CLEC12A: variants seen among roughly 807,000 people sequenced by gnomAD.
CLEC12A encodes C-type lectin protein CLL-1.
CLEC12A carries 22 observed loss-of-function variants against 26.5 expected under a neutral mutation model. That is an observed-to-expected ratio of 0.83 (90% CI 0.59 to 1.19). CLEC12A has a LOEUF of 1.19. Among genes scored for constraint, CLEC12A ranks in the 50% most tolerant of loss-of-function variants. The probability of loss-of-function intolerance (pLI) is 0.00; values close to 1 mark genes in which losing one functional copy is unlikely to be tolerated. For synonymous variants in CLEC12A, 119 were observed against 101.9 expected (o/e 1.17, Z -1.01); for missense variants, 353 against 315.6 (o/e 1.12, Z -0.90).
intron 1 of CLEC12A, among the ~76,000 whole-genome samples, chr12:9,957,449 C>T (rs28781615): frequency 1.1e-5 from 1 of 90,956 alleles, no homozygotes; most frequent in African/African-American, 3.9e-5. Flanking sequence ...AATCGTGCCA[C>T]TGCATTCCAG....
rs748463949 is a variant in CLEC12A, at chr12:9,984,938, A to G, written c.710A>G (p.Tyr237Cys). Reference sequence around the variant, plus strand: ...TATATAAATAGACTATATGTTCAATATTATCACTGCACTTATAAAAAAAGA... The same window carrying G: ...TATATAAATAGACTATATGTTCAATGTTATCACTGCACTTATAAAAAAAGA... ...CGYINRLYVQYYHCTYKKRMI... is the reference protein window; with the variant it reads ...CGYINRLYVQCYHCTYKKRMI... Residue 237 changes from tyrosine to cysteine, a missense_variant, in exon 6 of 6, where the codon TAT (tyrosine) becomes TGT (cysteine). Physicochemically the swap from Tyr to Cys is radical, Grantham distance 194. Transcript: ENST00000304361. The G allele has an allele frequency of 2.5e-6, 4 of 1,580,894 alleles. No homozygotes were observed. The African/African-American group carries it at 4.1e-5, about 16-fold the overall frequency.
At position 9,984,511 on chromosome 12, in the gene CLEC12A, G is replaced by T. The variant is rs372644156; in HGVS notation, c.642-359G>T. Among the ~76,000 whole-genome samples the T allele has an allele frequency of 8.6e-5, 13 of 152,030 alleles. No individual in the cohort carries two copies. In the South Asian group the frequency reaches 1.5e-3, roughly 17 times the overall value. ...TATAAAAAGCACTTGAGGGAGAAAG[G>T]GTCCAAGTCTTACTACTCCTAGCCA... On this transcript the variant is annotated intron_variant, in intron 5 of 5. Transcript: ENST00000304361.
chr12:9,983,865 T>C (rs1268974208), intron 5 of CLEC12A: 1 of 253,584 alleles, frequency 3.9e-6, no homozygotes, highest in African/African-American at 2.3e-5. Context: ...TATCTACAAA[T>C]GGAGTGGAGA....
intron 1 of CLEC12A, among the ~76,000 whole-genome samples, chr12:9,977,320 T>C (rs1415816674): frequency 6.6e-6 from 1 of 152,196 alleles, no homozygotes; most frequent in Non-Finnish European, 1.5e-5. Flanking sequence ...AACAACTCTG[T>C]TATTTTGCCC....
Position 9,952,376 on chromosome 12 carries a change from T to C in CLEC12A, c.10+1020T>C, listed in dbSNP as rs987909598. Among the ~76,000 whole-genome samples, 15 of 150,874 alleles carry C rather than the reference T, an allele frequency of 9.9e-5. No individual in the cohort carries two copies. In the East Asian group the frequency reaches 1.4e-3, roughly 14 times the overall value. Reference sequence around the variant, plus strand: ...GGTTTTGGTGGAGACGGGGTTTCGCTGTGTTGGCCGGGCCGGTCTCCAGCC... The same window carrying C: ...GGTTTTGGTGGAGACGGGGTTTCGCCGTGTTGGCCGGGCCGGTCTCCAGCC... On this transcript the variant is annotated intron_variant, in intron 1 of 6. Coordinates refer to the CLEC12A transcript ENST00000355690.
chr12:9,962,244 C>T (rs891170766), intron 1 of CLEC12A, among the ~76,000 whole-genome samples: 4 of 146,574 alleles, frequency 2.7e-5, no homozygotes, highest in African/African-American at 7.5e-5. Flanking sequence ...AATGTATAAC[C>T]GGTTTTTTCT....
downstream of CLEC12A, chr12:9,998,257 A>G (rs377059508): frequency 1.3e-6 from 2 of 1,589,434 alleles, no homozygotes; most frequent in Non-Finnish European, 1.7e-6. Context: ...CCTCCAGTCA[A>G]ATTTCTGGCA....
intron 1 of CLEC12A, among the ~76,000 whole-genome samples, chr12:9,972,140 G>T (rs1355852572): frequency 6.6e-6 from 1 of 151,430 alleles, no homozygotes; most frequent in Non-Finnish European, 1.5e-5. Context: ...ACCAAACTAA[G>T]CATAAATCAC....
At chr12:9,959,452 CAAAAA>C (rs57106602) in intron 1 of CLEC12A, among the ~76,000 whole-genome samples, 6 of 140,760 alleles carry the variant, frequency 4.3e-5, no homozygotes, top group African/African-American at 1.6e-4. Flanking sequence ...AACTCTGTCT[CAAAAA>C]AAAAAAAAAA....
chr12:9,953,626 G>A (rs1218831579), intron 1 of CLEC12A, among the ~76,000 whole-genome samples: 2 of 151,890 alleles, frequency 1.3e-5, no homozygotes, highest in South Asian at 4.1e-4. Context: ...CCCCGTCCGG[G>A]AGGTGAGGGG....
intron 1 of CLEC12A, among the ~76,000 whole-genome samples, chr12:9,954,205 T>TTAAA (rs1324657571): frequency 1.6e-5 from 1 of 64,416 alleles, no homozygotes; most frequent in Non-Finnish European, 3.0e-5. Context: ...GAATTATCAA[T>TTAAA]AAAAAAAAAA....
chr12:9,955,575 G>A (rs1410187279), intron 1 of CLEC12A, among the ~76,000 whole-genome samples: 1 of 152,146 alleles, frequency 6.6e-6, no homozygotes. Flanking sequence ...ATATCTTGAA[G>A]TTATTTTGGA....
intron 5 of CLEC12A, chr12:9,983,784 G>C (rs982220274): frequency 2.6e-6 from 1 of 387,508 alleles, no homozygotes; most frequent in East Asian, 4.4e-5. Flanking sequence ...AAGTGTAGGA[G>C]TGTGGGTCAG....
chr12:10,002,664 G>C, the CLEC12A span, among the ~76,000 whole-genome samples: 1 of 151,876 alleles, frequency 6.6e-6, no homozygotes, highest in Non-Finnish European at 1.5e-5. Context: ...GGATGATCTC[G>C]ATCTCCTGAC....
chr12:9,974,723 T>C (rs1329368656), intron 1 of CLEC12A, among the ~76,000 whole-genome samples: 1 of 152,186 alleles, frequency 6.6e-6, no homozygotes, highest in African/African-American at 2.4e-5. Context: ...TTAACCATAT[T>C]GAAACTCAGA....
At chr12:9,988,757 CT>C (rs1477678572), downstream of CLEC12A, among the ~76,000 whole-genome samples, 3 of 152,204 alleles carry the variant, frequency 2.0e-5, no homozygotes, top group African/African-American at 7.2e-5. Flanking sequence ...CACTTTTACA[CT>C]GTTGGTGGGA....
chr12:9,973,035 T>C (rs1864188023), intron 1 of CLEC12A, among the ~76,000 whole-genome samples: 1 of 152,208 alleles, frequency 6.6e-6, no homozygotes, highest in Non-Finnish European at 1.5e-5. Context: ...CTTCTTCATG[T>C]TCTTAATCTC....
chr12:9,991,496 A>G (rs1864891934), intron 4 of CLEC12A: 1 of 152,132 alleles, frequency 6.6e-6, no homozygotes, highest in Admixed American at 6.6e-5. Flanking sequence ...ATTGGTTCCT[A>G]TTTAGTTTCT....
intron 5 of CLEC12A, chr12:9,983,853 G>T: frequency 3.7e-6 from 1 of 271,562 alleles, no homozygotes; most frequent in Non-Finnish European, 7.1e-6. Flanking sequence ...TGGGAGATAA[G>T]CTATCTACAA....
Sources: gnomAD v4.1 joint callset for allele counts (sites outside exome capture counted in the v4.1 genomes callset) on GRCh38, gnomAD v4.1.1 for gene constraint, MANE v1.5 for transcripts, NCBI Gene and HGNC (gene_info 2026-07-23, HGNC 2026-07-21) for gene names.